Variants in CADM1 observed in about 807,000 individuals in gnomAD.
CADM1 encodes the protein TSLC-1.
A neutral mutation model predicts 53.1 loss-of-function variants in CADM1; 15 were observed. The observed-to-expected ratio is 0.28, with a 90% CI of 0.19 to 0.44. CADM1 has a LOEUF of 0.44. Among genes scored for constraint, CADM1 ranks in the 20% least tolerant of loss-of-function variants. The pLI, the probability that CADM1 is intolerant of heterozygous loss-of-function variation, is 1.00. For missense variants in CADM1, 434 were observed against 611.3 expected, an observed-to-expected ratio of 0.71 and a Z score of 3.06; for synonymous variants, 281 against 243.0, an observed-to-expected ratio of 1.16 and a Z score of -1.45.
intron 10 of CADM1, among the ~76,000 whole-genome samples, chr11:115,180,882 T>C (rs746043786): frequency 1.3e-5 from 2 of 152,178 alleles, no homozygotes; most frequent in Non-Finnish European, 2.9e-5. Flanking sequence ...CCAATGGCCA[T>C]GAGCTTCAGA....
chr11:115,382,885 G>C (rs903319105), intron 1 of CADM1, among the ~76,000 whole-genome samples: 2 of 152,110 alleles, frequency 1.3e-5, no homozygotes, highest in East Asian at 3.9e-4. Flanking sequence ...TGAAAATAGA[G>C]TGAAACAAAC....
intron 1 of CADM1, among the ~76,000 whole-genome samples, chr11:115,305,919 A>AAAG (rs1944355318): frequency 6.6e-6 from 1 of 151,302 alleles, no homozygotes; most frequent in Admixed American, 6.6e-5. Flanking sequence ...AAAAAAAAAA[A>AAAG]AAGAATATGC....
chr11:115,370,812 C>T (rs1946289407), intron 1 of CADM1, among the ~76,000 whole-genome samples: 1 of 152,138 alleles, frequency 6.6e-6, no homozygotes, highest in East Asian at 1.9e-4. Context: ...TGAAGGAAGT[C>T]AGAGGCACCC....
intron 1 of CADM1, among the ~76,000 whole-genome samples, chr11:115,427,617 T>C (rs1345568050): frequency 6.6e-6 from 1 of 152,192 alleles, no homozygotes; most frequent in Admixed American, 6.5e-5. Flanking sequence ...GTGGAGACTT[T>C]AGCATTATCT....
intron 9 of CADM1, among the ~76,000 whole-genome samples, chr11:115,194,669 C>T (rs1482700729): frequency 6.6e-6 from 1 of 151,960 alleles, no homozygotes; most frequent in Non-Finnish European, 1.5e-5. Flanking sequence ...AGAGAAGGGG[C>T]ACAGAGAGAA....
At chr11:115,372,220 C>T (rs1252746254) in intron 1 of CADM1, among the ~76,000 whole-genome samples, 1 of 152,158 alleles carries the variant, frequency 6.6e-6, no homozygotes, top group Non-Finnish European at 1.5e-5. Flanking sequence ...ATTCTATGAG[C>T]CAAAGTTTTC....
At chr11:115,183,563 C>T (rs995493241) in intron 10 of CADM1, among the ~76,000 whole-genome samples, 3 of 152,182 alleles carry the variant, frequency 2.0e-5, no homozygotes, top group African/African-American at 7.2e-5. Context: ...CCCTCGGCTA[C>T]ACAGAGTCCA....
chr11:115,491,331 C>T (rs2135427779), intron 1 of CADM1, among the ~76,000 whole-genome samples: 1 of 152,180 alleles, frequency 6.6e-6, no homozygotes, highest in African/African-American at 2.4e-5. Flanking sequence ...TTTGAGAGGC[C>T]GAGGTGGGCA....
intron 1 of CADM1, among the ~76,000 whole-genome samples, chr11:115,394,729 A>G (rs1226250062): frequency 6.6e-6 from 1 of 152,228 alleles, no homozygotes; most frequent in Non-Finnish European, 1.5e-5. Context: ...TTCAATTTCC[A>G]GTGCTAATCA....
chr11:115,453,503 T>A (rs184817770), intron 1 of CADM1, among the ~76,000 whole-genome samples: 48 of 152,216 alleles, frequency 3.2e-4, no homozygotes, highest in Non-Finnish European at 5.0e-4. Flanking sequence ...CTTGTTGTCA[T>A]TGTTTTTGTT....
At position 115,176,160 on chromosome 11, in the gene CADM1, A is replaced by T. The variant is rs1323839678; in HGVS notation, c.*314T>A. ...AAGGGGGAAAAGAAAGGAACGCAACAAACAAACAAAAAACAAGGCACAGAA... is the reference window on the plus strand; with the variant it reads ...AAGGGGGAAAAGAAAGGAACGCAACTAACAAACAAAAAACAAGGCACAGAA... On this transcript the variant is annotated 3_prime_UTR_variant, in exon 12 of 12. Coordinates refer to ENST00000331581, the MANE Select transcript of CADM1 (RefSeq NM_001301043.2). 4 of 1,181,606 alleles carry T rather than the reference A, an allele frequency of 3.4e-6. No homozygotes were observed. In the African/African-American group the frequency reaches 6.4e-5, roughly 19 times the overall value. 73.2% of individuals were successfully genotyped at this position (1,181,606 alleles called of 1,614,324 possible).
chr11:115,256,690 G>A (rs1022714582), intron 1 of CADM1: 33 of 401,642 alleles, frequency 8.2e-5, no homozygotes, highest in African/African-American at 6.5e-4. Flanking sequence ...GGCAGGGAGA[G>A]AGAGCCAGCA....
At chr11:115,257,091 G>A (rs949001252) in intron 1 of CADM1, among the ~76,000 whole-genome samples, 10 of 152,080 alleles carry the variant, frequency 6.6e-5, no homozygotes, top group Non-Finnish European at 1.0e-4. Flanking sequence ...ACTTTATTAC[G>A]ACTACTTTTC....
intron 1 of CADM1, among the ~76,000 whole-genome samples, chr11:115,242,212 G>C (rs1052835048): frequency 6.6e-6 from 1 of 151,950 alleles, no homozygotes; most frequent in African/African-American, 2.4e-5. Flanking sequence ...ATTAACCCAG[G>C]TGTGAGAATG....
At chr11:115,418,742 G>C (rs1406463672) in intron 1 of CADM1, among the ~76,000 whole-genome samples, 4 of 152,088 alleles carry the variant, frequency 2.6e-5, no homozygotes, top group African/African-American at 9.7e-5. Context: ...TTACACCCAA[G>C]CCAAGAGTGA....
intron 1 of CADM1, among the ~76,000 whole-genome samples, chr11:115,460,615 A>T (rs1948774121): frequency 6.6e-6 from 1 of 152,178 alleles, no homozygotes; most frequent in Non-Finnish European, 1.5e-5. Context: ...CCCTAATAAT[A>T]ACAAAAGTTA....
intron 1 of CADM1, among the ~76,000 whole-genome samples, chr11:115,300,848 T>TAA (rs1377988045): frequency 6.6e-6 from 1 of 152,106 alleles, no homozygotes; most frequent in Non-Finnish European, 1.5e-5. Context: ...GCTCTGGTCA[T>TAA]AAAACTACAT....
intron 1 of CADM1, among the ~76,000 whole-genome samples, chr11:115,288,266 T>C (rs1340068599): frequency 2.0e-5 from 3 of 152,168 alleles, no homozygotes; most frequent in African/African-American, 4.8e-5. Flanking sequence ...TCTAGAATTC[T>C]AGCAGGACCT....
chr11:115,279,511 G>A (rs1451653943), intron 1 of CADM1, among the ~76,000 whole-genome samples: 1 of 152,114 alleles, frequency 6.6e-6, no homozygotes, highest in African/African-American at 2.4e-5. Flanking sequence ...CCAGGGATTT[G>A]TACAATAGAT....
Sources: gnomAD v4.1 joint callset for allele counts (sites outside exome capture counted in the v4.1 genomes callset) on GRCh38, gnomAD v4.1.1 for gene constraint, MANE v1.5 for transcripts, NCBI Gene and HGNC (gene_info 2026-07-23, HGNC 2026-07-21) for gene names.